YIPF7: variants seen among roughly 807,000 people sequenced by gnomAD.
YIPF7 encodes the protein Yip1 domain family member 7, also known as protein YIPF7.
In YIPF7, 35 loss-of-function variants were observed where a neutral mutation model predicts 27.2. The observed-to-expected ratio is 1.29, with a 90% CI of 0.98 to 1.70. The LOEUF is 1.70. Ranked by LOEUF, YIPF7 falls within the 40% of genes most tolerant of loss-of-function variation. The pLI is 0.00. For missense variants in YIPF7, 358 were observed against 303.7 expected, an observed-to-expected ratio of 1.18 and a Z score of -1.33; for synonymous variants, 137 against 110.4, an observed-to-expected ratio of 1.24 and a Z score of -1.51.
intron 2 of YIPF7, among the ~76,000 whole-genome samples, chr4:44,659,947 A>G (rs1713997289): frequency 6.6e-6 from 1 of 151,598 alleles, no homozygotes; most frequent in Non-Finnish European, 1.5e-5. Context: ...CCCCGTCTCT[A>G]CTAAAAATAC....
At chr4:44,645,631 A>T (rs1346013140) in intron 2 of YIPF7, among the ~76,000 whole-genome samples, 1 of 152,234 alleles carries the variant, frequency 6.6e-6, no homozygotes, top group East Asian at 1.9e-4. Flanking sequence ...TGAAATTGTG[A>T]TAATTTCAAA....
chr4:44,636,161 A>G, intron 2 of YIPF7, 76 bp from the exon 3 acceptor site: 3 of 1,412,128 alleles, frequency 2.1e-6, no homozygotes, highest in Non-Finnish European at 2.8e-6. Context: ...TTACAATTTT[A>G]CTTACATGAA....
At chr4:44,649,898 AAC>A in intron 2 of YIPF7, 85 bp downstream of exon 2, 1 of 746,970 alleles carries the variant, frequency 1.3e-6, no homozygotes, top group Non-Finnish European at 2.2e-6. Context: ...CTTTCATAAT[AAC>A]TACAATATAT....
At chr4:44,641,949 G>A (rs1038860314) in intron 2 of YIPF7, among the ~76,000 whole-genome samples, 6 of 152,158 alleles carry the variant, frequency 3.9e-5, no homozygotes, top group East Asian at 3.9e-4. Flanking sequence ...ATAGGAATCC[G>A]AATGGCTTTT....
chr4:44,660,126 A>AAAAAAAAAAAAAC (rs1714006688), intron 2 of YIPF7, among the ~76,000 whole-genome samples: 1 of 146,256 alleles, frequency 6.8e-6, no homozygotes, highest in African/African-American at 2.5e-5. Context: ...AAAAAAAAAA[A>AAAAAAAAAAAAAC]AAAAAAAAAA....
intron 2 of YIPF7, among the ~76,000 whole-genome samples, chr4:44,642,366 T>C (rs1236217706): frequency 6.6e-6 from 1 of 152,192 alleles, no homozygotes; most frequent in Middle Eastern, 3.2e-3. Context: ...AAACACATAA[T>C]TATTCATAAA....
upstream of YIPF7, chr4:44,651,721 CA>C: frequency 1.3e-6 from 1 of 774,872 alleles, no homozygotes; most frequent in Non-Finnish European, 2.0e-6. Flanking sequence ...AAAAGCCTGC[CA>C]AAAGCCAAAT....
Position 44,624,798 on chromosome 4 carries a change from GA to G in YIPF7, c.427-17del. The G allele has an allele frequency of 2.5e-6, 4 of 1,595,326 alleles. No homozygotes were observed. Among genetic ancestry groups the G allele is most frequent in the Non-Finnish European group, 3.4e-6 (4 of 1,172,138 alleles). On this transcript the variant is annotated splice_polypyrimidine_tract_variant and intron_variant, in intron 4 of 5. Transcript: ENST00000415895. ...CTTTTCCTGCCTGAAACGACGTGAAGAAAAAACAGTTTGAACACACAATGGA... is the reference window on the plus strand; with the variant it reads ...CTTTTCCTGCCTGAAACGACGTGAAGAAAAACAGTTTGAACACACAATGGA...
intron 2 of YIPF7, among the ~76,000 whole-genome samples, chr4:44,638,778 CAA>C (rs917086582): frequency 2.0e-5 from 3 of 152,022 alleles, no homozygotes; most frequent in Non-Finnish European, 4.4e-5. Flanking sequence ...GACCAGTGTC[CAA>C]AAGTTTTCCC....
chr4:44,640,326 T>G (rs1713283199), intron 2 of YIPF7, among the ~76,000 whole-genome samples: 1 of 152,232 alleles, frequency 6.6e-6, no homozygotes, highest in African/African-American at 2.4e-5. Context: ...AGGCCTTTTC[T>G]TTGTTGACAG....
chr4:44,649,849 G>A, intron 2 of YIPF7, 136 bp downstream of exon 2: 1 of 555,808 alleles, frequency 1.8e-6, no homozygotes, highest in South Asian at 2.8e-5. Flanking sequence ...TTTTTTTTGT[G>A]GGTCTAGTTT....
At chr4:44,627,675 G>A (rs939117708) in intron 4 of YIPF7, among the ~76,000 whole-genome samples, 3 of 152,100 alleles carry the variant, frequency 2.0e-5, no homozygotes, top group Non-Finnish European at 4.4e-5. Flanking sequence ...TTTGCATAAA[G>A]ACATTCAGAA....
chr4:44,630,532 A>T (rs1211388246), intron 3 of YIPF7, among the ~76,000 whole-genome samples: 1 of 152,212 alleles, frequency 6.6e-6, no homozygotes, highest in African/African-American at 2.4e-5. Flanking sequence ...AGTTGAGTCT[A>T]TGCATTCAAA....
At chr4:44,626,189 A>G (rs963198649) in intron 4 of YIPF7, among the ~76,000 whole-genome samples, 3 of 152,210 alleles carry the variant, frequency 2.0e-5, no homozygotes, top group African/African-American at 4.8e-5. Context: ...TGTCTCCAGC[A>G]TTAGCCACTG....
chr4:44,624,459 A>G (rs777726406), intron 5 of YIPF7, 142 bp downstream of exon 5: 1 of 928,898 alleles, frequency 1.1e-6, no homozygotes, highest in Non-Finnish European at 1.5e-6. Context: ...TACTTTTCTT[A>G]ATCTATGAGT....
chr4:44,622,642 C>T, intron 5 of YIPF7, 66 bp from the exon 6 acceptor site: 4 of 1,562,718 alleles, frequency 2.6e-6, no homozygotes, highest in Non-Finnish European at 3.5e-6. Context: ...TTAAAGTTGC[C>T]TCTGAAATAT....
chr4:44,648,454 T>C (rs1713602492), intron 2 of YIPF7, among the ~76,000 whole-genome samples: 1 of 152,170 alleles, frequency 6.6e-6, no homozygotes, highest in Non-Finnish European at 1.5e-5. Flanking sequence ...AATGAGTTAA[T>C]GTATATAATT....
chr4:44,649,570 A>G (rs564579404), intron 2 of YIPF7, among the ~76,000 whole-genome samples: 121 of 152,108 alleles, frequency 8.0e-4, no homozygotes, highest in African/African-American at 2.7e-3. Context: ...CATGAGCTCC[A>G]GGCCAGTCTG....
At chr4:44,642,844 G>T (rs531991786) in intron 2 of YIPF7, among the ~76,000 whole-genome samples, 3 of 152,116 alleles carry the variant, frequency 2.0e-5, no homozygotes, top group Non-Finnish European at 4.4e-5. Context: ...AGCAGCTGTC[G>T]CCATGCTTCC....
Sources: gnomAD v4.1 joint callset for allele counts (sites outside exome capture counted in the v4.1 genomes callset) on GRCh38, gnomAD v4.1.1 for gene constraint, MANE v1.5 for transcripts, NCBI Gene and HGNC (gene_info 2026-07-23, HGNC 2026-07-21) for gene names.